ROBO1: variants seen among roughly 807,000 people sequenced by gnomAD.
ROBO1 encodes the protein roundabout guidance receptor 1.
A neutral mutation model predicts 195.9 loss-of-function variants in ROBO1; 149 were observed. The observed-to-expected ratio is 0.76, with a 90% CI of 0.67 to 0.87. ROBO1 has a LOEUF of 0.87. Among genes scored for constraint, ROBO1 ranks in the 40% least tolerant of loss-of-function variants. The pLI is 0.00. For synonymous variants in ROBO1, 816 were observed against 733.2 expected, an observed-to-expected ratio of 1.11 and a Z score of -1.82; for missense variants, 1,933 against 2,068.3, an observed-to-expected ratio of 0.93 and a Z score of 1.27.
chr3:79,539,298 A>T (rs955104682), intron 2 of ROBO1, among the ~76,000 whole-genome samples: 1 of 152,130 alleles, frequency 6.6e-6, no homozygotes, highest in Non-Finnish European at 1.5e-5. Flanking sequence ...TTTAGGGTAG[A>T]TAAAAAGGAA....
intron 2 of ROBO1, among the ~76,000 whole-genome samples, chr3:79,521,894 G>C (rs2107581027): frequency 6.6e-6 from 1 of 152,190 alleles, no homozygotes; most frequent in South Asian, 2.1e-4. Context: ...AGTAGAGAGA[G>C]GTGATGACCT....
chr3:79,656,767 C>A (rs1362254139), intron 1 of ROBO1, among the ~76,000 whole-genome samples: 1 of 151,918 alleles, frequency 6.6e-6, no homozygotes, highest in Non-Finnish European at 1.5e-5. Context: ...CATGGTGGCA[C>A]ATGCCTGTAG....
intron 2 of ROBO1, among the ~76,000 whole-genome samples, chr3:79,282,608 T>C (rs971951621): frequency 6.6e-6 from 1 of 152,072 alleles, no homozygotes; most frequent in Non-Finnish European, 1.5e-5. Context: ...CTAAGAAGAG[T>C]CCCAGATTTT....
At chr3:79,348,200 G>A (rs2035198948) in intron 2 of ROBO1, among the ~76,000 whole-genome samples, 1 of 128,876 alleles carries the variant, frequency 7.8e-6, no homozygotes, top group South Asian at 2.6e-4. Flanking sequence ...GACACAAAGA[G>A]ACTCCATCTC....
intron 3 of ROBO1, among the ~76,000 whole-genome samples, chr3:79,050,668 T>C (rs1235412750): frequency 6.6e-6 from 1 of 152,098 alleles, no homozygotes; most frequent in Non-Finnish European, 1.5e-5. Flanking sequence ...AGTAAAACAC[T>C]CCTCAGCAAT....
At chr3:78,819,740 G>A (rs1200277595) in intron 4 of ROBO1, among the ~76,000 whole-genome samples, 1 of 151,930 alleles carries the variant, frequency 6.6e-6, no homozygotes, top group Non-Finnish European at 1.5e-5. Context: ...ATATTCTTAG[G>A]CCCGTCTTGA....
chr3:78,767,742 T>G (rs2083266374), intron 4 of ROBO1, among the ~76,000 whole-genome samples: 1 of 152,190 alleles, frequency 6.6e-6, no homozygotes, highest in South Asian at 2.1e-4. Flanking sequence ...CAAATGATCT[T>G]TTGTATTTCA....
intron 2 of ROBO1, among the ~76,000 whole-genome samples, chr3:79,403,995 T>C (rs1046651111): frequency 3.1e-4 from 47 of 152,196 alleles, no homozygotes; most frequent in Admixed American, 2.8e-3. Flanking sequence ...TCCATCACTT[T>C]TATAAAAATA....
At chr3:78,711,376 TTCCTTCCTTCCTTC>T (rs1559773215) in intron 8 of ROBO1, among the ~76,000 whole-genome samples, 48 of 28,998 alleles carry the variant, frequency 1.7e-3, no homozygotes, top group Non-Finnish European at 2.7e-3. Flanking sequence ...CCTTCCTTCC[TTCCTTCCTTCCTTC>T]CTTCCTTCCT....
chr3:79,395,089 C>T (rs553054852), intron 2 of ROBO1, among the ~76,000 whole-genome samples: 14 of 151,818 alleles, frequency 9.2e-5, no homozygotes, highest in East Asian at 3.9e-4. Flanking sequence ...TTTGGGAGGC[C>T]GAGGCGGGCG....
At chr3:78,622,405 T>A (rs1003516000) in intron 26 of ROBO1, among the ~76,000 whole-genome samples, 4 of 152,178 alleles carry the variant, frequency 2.6e-5, no homozygotes, top group Admixed American at 2.6e-4. Context: ...GAGCCTACCA[T>A]GGTAAAGACT....
At chr3:79,518,066 CCTT>C (rs1206138944) in intron 2 of ROBO1, among the ~76,000 whole-genome samples, 1 of 152,068 alleles carries the variant, frequency 6.6e-6, no homozygotes, top group Non-Finnish European at 1.5e-5. Context: ...GTCTGAGTGG[CCTT>C]CTAATTTACC....
chr3:79,254,984 A>G (rs1182985177), intron 2 of ROBO1, among the ~76,000 whole-genome samples: 1 of 152,210 alleles, frequency 6.6e-6, no homozygotes, highest in Non-Finnish European at 1.5e-5. Flanking sequence ...GTGTGAAACA[A>G]TAACTGGCAC....
chr3:78,836,623 T>G (rs2032756237), intron 4 of ROBO1, among the ~76,000 whole-genome samples: 1 of 152,110 alleles, frequency 6.6e-6, no homozygotes, highest in Non-Finnish European at 1.5e-5. Flanking sequence ...ATAACTTTTT[T>G]GCTAGGGCTA....
At chr3:79,018,854 G>A (rs1001517308) in intron 3 of ROBO1, 1 of 1,001,060 alleles carries the variant, frequency 1.0e-6, no homozygotes, top group Non-Finnish European at 1.2e-6. Flanking sequence ...GGGCAGGCGC[G>A]GCGGCGGCGG....
At chr3:79,073,714 G>T (rs1169625251) in intron 3 of ROBO1, among the ~76,000 whole-genome samples, 2 of 151,716 alleles carry the variant, frequency 1.3e-5, no homozygotes. Flanking sequence ...CATTCAAAAA[G>T]AGAGTTCGCT....
At chr3:79,059,938 C>G (rs377682727) in intron 3 of ROBO1, among the ~76,000 whole-genome samples, 1 of 151,906 alleles carries the variant, frequency 6.6e-6, no homozygotes, top group Non-Finnish European at 1.5e-5. Context: ...GACTGCCTGC[C>G]GAGCTGGGCA....
Position 79,691,842 on chromosome 3 carries a change from G to A in ROBO1, c.-51+75910C>T, listed in dbSNP as rs987815921. The stretch of plus-strand genomic sequence containing the variant: ...CTGTATGTTTAAAATTACTTTCTAC[G>A]AACCTGGTGTTGCTGTTTCAGTCAT... On this transcript the variant is annotated intron_variant, in intron 1 of 30. Coordinates refer to ENST00000464233, the MANE Select transcript of ROBO1 (RefSeq NM_002941.4). Among the ~76,000 whole-genome samples the A allele has an allele frequency of 2.9e-4, 44 of 151,880 alleles. 1 individual carries two copies. In the East Asian group the frequency reaches 7.6e-3, roughly 26 times the overall value.
intron 4 of ROBO1, among the ~76,000 whole-genome samples, chr3:78,922,901 T>C (rs1232879338): frequency 6.6e-6 from 1 of 152,092 alleles, no homozygotes; most frequent in Non-Finnish European, 1.5e-5. Flanking sequence ...TCTGGACTCA[T>C]TGTCTGATTT....
Sources: allele counts gnomAD v4.1 joint callset (sites outside exome capture counted in the v4.1 genomes callset), GRCh38; gene constraint gnomAD v4.1.1; transcripts MANE v1.5; gene names NCBI Gene and HGNC (gene_info 2026-07-23, HGNC 2026-07-21).